FSTL5: variants seen among roughly 807,000 people sequenced by gnomAD.
FSTL5 encodes follistatin like 5.
FSTL5 carries 62 observed loss-of-function variants against 89.1 expected under a neutral mutation model. That is an observed-to-expected ratio of 0.70 (90% CI 0.57 to 0.86). The LOEUF (loss-of-function observed/expected upper bound fraction) is 0.86, where lower values mean the gene tolerates loss of function less well. FSTL5 is among the 40% of genes least tolerant of loss of function. The pLI, the probability that FSTL5 is intolerant of heterozygous loss-of-function variation, is 0.00. For synonymous variants in FSTL5, 383 were observed against 346.2 expected, an observed-to-expected ratio of 1.11 and a Z score of -1.18; for missense variants, 1,057 against 1,001.6, an observed-to-expected ratio of 1.06 and a Z score of -0.75.
intron 1 of FSTL5, among the ~76,000 whole-genome samples, chr4:162,153,725 T>TATGTATATATGTATATAATAATATAC (rs1554003980): frequency 6.5e-4 from 66 of 101,256 alleles, no homozygotes; most frequent in African/African-American, 2.2e-3. Context: ...TATAATAATA[T>TATGTATATATGTATATAATAATATAC]ATGTATATAT....
At chr4:162,092,379 G>T (rs988694841) in intron 2 of FSTL5, among the ~76,000 whole-genome samples, 5 of 152,050 alleles carry the variant, frequency 3.3e-5, no homozygotes, top group Admixed American at 2.6e-4. Flanking sequence ...TTTTCTACAA[G>T]TTTACATAAT....
At chr4:161,995,340 G>A (rs1736257293) in intron 3 of FSTL5, among the ~76,000 whole-genome samples, 1 of 152,054 alleles carries the variant, frequency 6.6e-6, no homozygotes, top group Admixed American at 6.6e-5. Context: ...AAACTGAGAA[G>A]TGCAGTAACT....
intron 4 of FSTL5, among the ~76,000 whole-genome samples, chr4:161,801,052 G>T (rs1395382702): frequency 1.3e-5 from 2 of 151,524 alleles, no homozygotes; most frequent in East Asian, 1.9e-4. Flanking sequence ...CAGCTTAGAG[G>T]TTAGTATTAG....
chr4:161,929,704 C>CATAGTTTAA (rs1734234003), intron 3 of FSTL5, among the ~76,000 whole-genome samples: 2 of 98,242 alleles, frequency 2.0e-5, no homozygotes, highest in African/African-American at 7.7e-5. Context: ...TGTGTGTGTA[C>CATAGTTTAA]ATAGTTTAAA....
intron 2 of FSTL5, among the ~76,000 whole-genome samples, chr4:162,101,109 C>A (rs755191439): frequency 9.2e-5 from 14 of 152,304 alleles, no homozygotes; most frequent in African/African-American, 3.1e-4. Flanking sequence ...ACTAAGCATG[C>A]TTTTCTTGTA....
intron 2 of FSTL5, among the ~76,000 whole-genome samples, chr4:162,108,654 AAG>A (rs1189649026): frequency 6.6e-6 from 1 of 151,866 alleles, no homozygotes; most frequent in Non-Finnish European, 1.5e-5. Context: ...AATAATGAAT[AAG>A]AGAAAATTAA....
At chr4:161,770,518 C>T (rs182936475) in intron 5 of FSTL5, among the ~76,000 whole-genome samples, 51 of 151,674 alleles carry the variant, frequency 3.4e-4, no homozygotes, top group Middle Eastern at 3.4e-3. Flanking sequence ...AAATAAAAAG[C>T]GACAGAATCT....
At chr4:161,699,006 A>G (rs1442926881) in intron 6 of FSTL5, among the ~76,000 whole-genome samples, 1 of 152,118 alleles carries the variant, frequency 6.6e-6, no homozygotes, top group Non-Finnish European at 1.5e-5. Context: ...GAATAATTTA[A>G]TTAATTACCA....
chr4:161,807,659 G>T (rs1730011157), intron 4 of FSTL5, among the ~76,000 whole-genome samples: 1 of 152,026 alleles, frequency 6.6e-6, no homozygotes, highest in South Asian at 2.1e-4. Context: ...AACGAACATG[G>T]CTATGTTTCA....
At chr4:162,029,441 T>C (rs1284525826) in intron 3 of FSTL5, among the ~76,000 whole-genome samples, 5 of 152,152 alleles carry the variant, frequency 3.3e-5, no homozygotes, top group Non-Finnish European at 7.4e-5. Flanking sequence ...ATAATACCAG[T>C]GTTTAATGTC....
intron 10 of FSTL5, among the ~76,000 whole-genome samples, chr4:161,512,395 A>T (rs1730680612): frequency 6.6e-6 from 1 of 152,122 alleles, no homozygotes. Flanking sequence ...AAAAAAATTC[A>T]AAGTTATGAA....
intron 12 of FSTL5, among the ~76,000 whole-genome samples, chr4:161,499,233 T>A (rs1730209565): frequency 6.6e-6 from 1 of 152,090 alleles, no homozygotes; most frequent in Admixed American, 6.6e-5. Flanking sequence ...AAATTCCATG[T>A]GCAATTTAAG....
At chr4:161,498,769 A>T (rs1730184156) in intron 12 of FSTL5, among the ~76,000 whole-genome samples, 1 of 152,180 alleles carries the variant, frequency 6.6e-6, no homozygotes, top group South Asian at 2.1e-4. Context: ...TTTTTGTAAG[A>T]ATATGAGTGT....
intron 4 of FSTL5, among the ~76,000 whole-genome samples, chr4:161,838,689 C>A (rs1470535080): frequency 6.6e-6 from 1 of 151,954 alleles, no homozygotes; most frequent in Non-Finnish European, 1.5e-5. Context: ...TTACCTATAT[C>A]AAATATTAGG....
chr4:161,864,970 C>T (rs898018303), intron 4 of FSTL5, among the ~76,000 whole-genome samples: 2 of 150,582 alleles, frequency 1.3e-5, no homozygotes, highest in African/African-American at 4.9e-5. Flanking sequence ...GGAATAGATA[C>T]CTAGCTATGG....
At chr4:161,967,570 T>C (rs1432721099) in intron 3 of FSTL5, among the ~76,000 whole-genome samples, 1 of 151,848 alleles carries the variant, frequency 6.6e-6, no homozygotes, top group East Asian at 1.9e-4. Context: ...ACTTTGTAAG[T>C]TGTTGATTTG....
At chr4:161,507,830 C>T (rs1163063654) in intron 11 of FSTL5, among the ~76,000 whole-genome samples, 1 of 151,752 alleles carries the variant, frequency 6.6e-6, no homozygotes, top group East Asian at 1.9e-4. Flanking sequence ...ATAAAAATAA[C>T]ATAGGTTTAA....
intron 2 of FSTL5, among the ~76,000 whole-genome samples, chr4:162,038,762 A>G (rs148105857): frequency 6.6e-6 from 1 of 152,024 alleles, no homozygotes; most frequent in East Asian, 1.9e-4. Flanking sequence ...TGGCTACAAT[A>G]TCTTCAAACA....
At chr4:161,745,016 T>C (rs757817567) in intron 6 of FSTL5, among the ~76,000 whole-genome samples, 3 of 151,438 alleles carry the variant, frequency 2.0e-5, no homozygotes, top group Non-Finnish European at 4.4e-5. Context: ...AAGTGAGTAG[T>C]TTCCGGAGGA....
Sources: gnomAD v4.1 joint callset for allele counts (sites outside exome capture counted in the v4.1 genomes callset) on GRCh38, gnomAD v4.1.1 for gene constraint, MANE v1.5 for transcripts, NCBI Gene and HGNC (gene_info 2026-07-23, HGNC 2026-07-21) for gene names.